Variants in GMCL1 observed in about 807,000 individuals in gnomAD.
The protein encoded by GMCL1 is germ cell-less 1, spermatogenesis associated.
Under a neutral mutation model 75.5 loss-of-function variants are expected in GMCL1, and 54 were observed. The ratio of observed to expected loss-of-function variants is 0.71; its 90% CI spans 0.57 to 0.90. GMCL1 has a LOEUF of 0.90. Among genes scored for constraint, GMCL1 ranks in the 40% least tolerant of loss-of-function variants. The pLI is 0.00. For missense variants in GMCL1, 537 were observed against 622.7 expected, an observed-to-expected ratio of 0.86 and a Z score of 1.47; for synonymous variants, 210 against 209.6, an observed-to-expected ratio of 1.00 and a Z score of -0.02.
intron 13 of GMCL1, among the ~76,000 whole-genome samples, chr2:69,874,097 A>AT (rs528242537): frequency 1.3e-5 from 2 of 151,320 alleles, no homozygotes; most frequent in East Asian, 1.9e-4. Context: ...GTTGTTTCTC[A>AT]TTTTTTTTCA....
chr2:69,875,306 T>C (rs1349282062), intron 13 of GMCL1, among the ~76,000 whole-genome samples: 1 of 152,342 alleles, frequency 6.6e-6, no homozygotes, highest in Non-Finnish European at 1.5e-5. Context: ...TGCTTTCATT[T>C]CTGGACTTTT....
chr2:69,866,323 T>G (rs1246122448), intron 11 of GMCL1, among the ~76,000 whole-genome samples: 3 of 152,238 alleles, frequency 2.0e-5, no homozygotes. Flanking sequence ...AACTACATTT[T>G]TAAATATTCC....
chr2:69,829,875 C>T lies in GMCL1; in HGVS notation c.-18C>T. On this transcript the variant is annotated 5_prime_UTR_variant, in exon 1 of 14. Coordinates refer to ENST00000282570, the MANE Select transcript of GMCL1 (RefSeq NM_178439.5). Reference sequence around the variant, plus strand: ...CCCCCTTCTCTGGGCTCCCTGAAGTCTCGGGGAGCCGTGACCCATGGGATC... The same window carrying T: ...CCCCCTTCTCTGGGCTCCCTGAAGTTTCGGGGAGCCGTGACCCATGGGATC... 1 of 1,564,474 alleles carries T rather than the reference C, an allele frequency of 6.4e-7. No individual in the cohort carries two copies. The highest frequency in any genetic ancestry group is 8.6e-7 in the Non-Finnish European group (1 of 1,157,168).
At chr2:69,863,111 G>T (rs2312557) in intron 10 of GMCL1, among the ~76,000 whole-genome samples, 1 of 151,946 alleles carries the variant, frequency 6.6e-6, no homozygotes, top group Non-Finnish European at 1.5e-5. Flanking sequence ...CAGGACCCCT[G>T]CGTATACCAA....
intron 1 of GMCL1, 138 bp downstream of exon 1, chr2:69,830,290 G>A: frequency 1.7e-6 from 2 of 1,186,922 alleles, no homozygotes; most frequent in Non-Finnish European, 2.3e-6. Context: ...GGGTGAATGT[G>A]GAAGCCGGCC....
At chr2:69,877,733 T>TGTGTGA (rs1553374733) in intron 13 of GMCL1, among the ~76,000 whole-genome samples, 3 of 145,112 alleles carry the variant, frequency 2.1e-5, no homozygotes, top group African/African-American at 7.6e-5. Context: ...TGTGTGTGTG[T>TGTGTGA]GAGACATTTG....
At chr2:69,861,884 A>G (rs1573364836) in intron 10 of GMCL1, among the ~76,000 whole-genome samples, 1 of 152,106 alleles carries the variant, frequency 6.6e-6, no homozygotes, top group Non-Finnish European at 1.5e-5. Flanking sequence ...AGAGTTCGAG[A>G]CCAGCCTGGC....
intron 1 of GMCL1, among the ~76,000 whole-genome samples, chr2:69,831,470 C>G (rs1042619051): frequency 1.3e-4 from 20 of 152,146 alleles, no homozygotes; most frequent in Non-Finnish European, 2.6e-4. Flanking sequence ...ATTGCCCAGG[C>G]TGGTCTCAAA....
chr2:69,869,706 T>C lies in GMCL1; in HGVS notation c.1219-13T>C. ...GATAAACTGAAATAAGTCTTCTCTC[T>C]TGTATTTTTTAGTACTGCTGGCGTT... On this transcript the variant is annotated splice_polypyrimidine_tract_variant and intron_variant, in intron 11 of 13. Transcript: ENST00000282570. 2.5e-6 allele frequency: 4 copies of C among 1,611,924 alleles called. No individual in the cohort carries two copies. The South Asian group carries it at 4.4e-5, about 18-fold the overall frequency.
intron 12 of GMCL1, among the ~76,000 whole-genome samples, chr2:69,870,092 G>A (rs886277120): frequency 6.7e-6 from 1 of 149,000 alleles, no homozygotes; most frequent in Non-Finnish European, 1.5e-5. Context: ...TACCAGTAGG[G>A]AATATCAGCC....
At chr2:69,858,061 T>A (rs906941064) in intron 9 of GMCL1, among the ~76,000 whole-genome samples, 2 of 152,214 alleles carry the variant, frequency 1.3e-5, no homozygotes, top group South Asian at 4.1e-4. Context: ...ATTTATTCCA[T>A]TGGGAAAATA....
intron 13 of GMCL1, among the ~76,000 whole-genome samples, chr2:69,878,528 TAAA>T (rs1676188959): frequency 6.6e-6 from 1 of 152,226 alleles, no homozygotes; most frequent in Admixed American, 6.5e-5. Context: ...TAAATTTTTT[TAAA>T]AATTGAAGCC....
At chr2:69,860,004 T>G in intron 9 of GMCL1, among the ~76,000 whole-genome samples, 1 of 152,240 alleles carries the variant, frequency 6.6e-6, no homozygotes, top group South Asian at 2.1e-4. Flanking sequence ...CTATTTGTAT[T>G]TATTTATTTT....
rs1674918308 is a variant in GMCL1, at chr2:69,839,453, T to A, written c.385-4T>A. The A allele has an allele frequency of 1.3e-6, 2 of 1,559,820 alleles. No homozygotes were observed. The highest frequency in any genetic ancestry group is 1.8e-6 in the Non-Finnish European group (2 of 1,142,170). ...ATAATCGTTGACTTTTTTTTTTGTT[T>A]AAGTCTGGCTACTTTTCTAGTATGT... On this transcript the variant is annotated splice_region_variant and splice_polypyrimidine_tract_variant and intron_variant, in intron 2 of 13. Transcript: ENST00000282570.
chr2:69,836,709 G>A (rs1460486678), intron 1 of GMCL1, among the ~76,000 whole-genome samples: 1 of 152,170 alleles, frequency 6.6e-6, no homozygotes, highest in Admixed American at 6.5e-5. Flanking sequence ...CTCTGCCTAA[G>A]GCCTTTTCTT....
chr2:69,831,766 C>A (rs1573336289), intron 1 of GMCL1, among the ~76,000 whole-genome samples: 1 of 152,106 alleles, frequency 6.6e-6, no homozygotes. Context: ...ACCACCACAC[C>A]CAGCTAATTT....
chr2:69,845,599 C>T (rs765269547), intron 6 of GMCL1, among the ~76,000 whole-genome samples: 8 of 152,124 alleles, frequency 5.3e-5, no homozygotes, highest in African/African-American at 1.2e-4. Flanking sequence ...GGATTAAGTA[C>T]GCATATTATC....
chr2:69,870,387 A>G, intron 12 of GMCL1, among the ~76,000 whole-genome samples: 1 of 152,156 alleles, frequency 6.6e-6, no homozygotes, highest in East Asian at 1.9e-4. Flanking sequence ...TCTAAGCATA[A>G]GAACTGCAAC....
intron 1 of GMCL1, among the ~76,000 whole-genome samples, chr2:69,830,888 A>AT (rs1674653665): frequency 6.6e-6 from 1 of 151,046 alleles, no homozygotes; most frequent in African/African-American, 2.4e-5. Context: ...TTTAAAGGTT[A>AT]TTTGGTAGGG....
Sources: gnomAD v4.1 joint callset for allele counts (sites outside exome capture counted in the v4.1 genomes callset) on GRCh38, gnomAD v4.1.1 for gene constraint, MANE v1.5 for transcripts, NCBI Gene and HGNC (gene_info 2026-07-23, HGNC 2026-07-21) for gene names.